Variants in ZNF569 observed in about 807,000 individuals in gnomAD.
ZNF569 encodes the protein DNA-binding protein.
A neutral mutation model predicts 56.3 loss-of-function variants in ZNF569; 38 were observed. The ratio of observed to expected loss-of-function variants is 0.68; its 90% confidence interval spans 0.52 to 0.88. The LOEUF (loss-of-function observed/expected upper bound fraction) is 0.88, where lower values mean the gene tolerates loss of function less well. Ranked by LOEUF, ZNF569 falls within the 40% of genes least tolerant of loss-of-function variation. ZNF569 has a pLI of 0.00. For missense variants in ZNF569, 666 were observed against 809.2 expected (o/e 0.82, Z 2.15); for synonymous variants, 241 against 262.9 (o/e 0.92, Z 0.81).
In ZNF569 at chr19:37,463,939, TTTAAG is replaced by T. The variant is rs549706910; in HGVS notation, c.-44+1369_-44+1373del. ...TTTTATACAGCTGTACAATATGTGT[TTTAAG>T]TTAAGTATTATTATAAAAGAGTAAA... On this transcript the variant is annotated intron_variant, in intron 2 of 5. Coordinates refer to ENST00000316950, the MANE Select transcript of ZNF569 (RefSeq NM_152484.3). Among the ~76,000 whole-genome samples the T allele has an allele frequency of 2.9e-4, 44 of 152,264 alleles. No homozygotes were observed. The South Asian group carries it at 4.4e-3, about 15-fold the overall frequency.
intron 3 of ZNF569, among the ~76,000 whole-genome samples, chr19:37,433,723 A>C (rs2041262171): frequency 6.6e-6 from 1 of 152,146 alleles, no homozygotes; most frequent in South Asian, 2.1e-4. Context: ...CTGAAGGAAA[A>C]AAACTTTTAT....
At chr19:37,438,895 A>T (rs1324580431) in intron 3 of ZNF569, among the ~76,000 whole-genome samples, 2 of 152,154 alleles carry the variant, frequency 1.3e-5, no homozygotes, top group Non-Finnish European at 2.9e-5. Context: ...AGCTCAAATA[A>T]CTGTATATGA....
chr19:37,467,805 C>G (rs148254286), upstream of ZNF569: 157 of 1,396,428 alleles, frequency 1.1e-4, 1 homozygote, highest in East Asian at 3.0e-3. Flanking sequence ...TGAGGTCGTG[C>G]GAATATGCGA....
intron 3 of ZNF569, among the ~76,000 whole-genome samples, chr19:37,441,522 T>C (rs1487351312): frequency 2.0e-5 from 3 of 151,820 alleles, no homozygotes; most frequent in African/African-American, 4.8e-5. Flanking sequence ...TAGCCAGGCA[T>C]GGGGGCACGT....
intron 2 of ZNF569, among the ~76,000 whole-genome samples, chr19:37,452,991 C>A (rs2041619068): frequency 6.6e-6 from 1 of 152,092 alleles, no homozygotes; most frequent in South Asian, 2.1e-4. Context: ...CTTCTTCACT[C>A]TTTTTCATTA....
intron 5 of ZNF569, among the ~76,000 whole-genome samples, chr19:37,421,293 G>A (rs943292412): frequency 6.6e-6 from 1 of 152,118 alleles, no homozygotes; most frequent in Non-Finnish European, 1.5e-5. Context: ...TTGAAACTTT[G>A]AAGCCAGCCA....
chr19:37,428,107 A>G (rs1023144310), intron 3 of ZNF569, among the ~76,000 whole-genome samples: 1 of 152,260 alleles, frequency 6.6e-6, no homozygotes, highest in Non-Finnish European at 1.5e-5. Context: ...AGAAATCATT[A>G]AAATACATTT....
chr19:37,415,865 G>A (rs1250894687), intron 5 of ZNF569, among the ~76,000 whole-genome samples: 1 of 151,012 alleles, frequency 6.6e-6, no homozygotes, highest in African/African-American at 2.4e-5. Context: ...GGGCGACAGA[G>A]TGAGACTCTG....
intron 5 of ZNF569, among the ~76,000 whole-genome samples, chr19:37,420,561 T>C (rs141234552): frequency 6.6e-6 from 1 of 152,326 alleles, no homozygotes; most frequent in East Asian, 1.9e-4. Flanking sequence ...GTAATCCTTA[T>C]CCCTGCAATC....
Position 37,414,433 on chromosome 19 carries a change from C to G in ZNF569, c.239-14G>C. ...CCCATATTTCTCCTAAAACAGATTG[C>G]AAATAAATATCACTTACAAATTTTT... is the stretch of plus-strand genomic sequence containing the variant. On this transcript the variant is annotated splice_polypyrimidine_tract_variant and intron_variant, in intron 5 of 5. Coordinates refer to ENST00000316950, the MANE Select transcript of ZNF569 (RefSeq NM_152484.3). 1 of 1,531,604 alleles carries G rather than the reference C, an allele frequency of 6.5e-7. No individual in the cohort carries two copies. The highest frequency in any genetic ancestry group is 8.7e-7 in the Non-Finnish European group (1 of 1,145,840). 94.9% of individuals were successfully genotyped at this position (1,531,604 alleles called of 1,614,324 possible).
intron 1 of ZNF569, chr19:37,466,869 T>C (rs965000173): frequency 5.3e-5 from 8 of 152,276 alleles, no homozygotes; most frequent in Non-Finnish European, 8.8e-5. Context: ...GGGGCCACAC[T>C]CAGCCAGACG....
chr19:37,447,543 A>G (rs1265135137), intron 2 of ZNF569, among the ~76,000 whole-genome samples: 1 of 152,222 alleles, frequency 6.6e-6, no homozygotes, highest in Non-Finnish European at 1.5e-5. Flanking sequence ...GTCTGCAAAT[A>G]GAAACAGTTA....
At position 37,413,846 on chromosome 19, in the gene ZNF569, G is replaced by A. The variant is rs780367491; in HGVS notation, c.812C>T (p.Ala271Val). 2.5e-6 allele frequency: 4 copies of A among 1,613,286 alleles called. No homozygotes were observed. Among genetic ancestry groups the A allele is most frequent in the Non-Finnish European group, 1.7e-6 (2 of 1,179,896 alleles). ...GAAGGACTTCTCACATTCCTTACAT[G>A]CATAGGGCTTCTCTCCAGTATGAAT... ...QRIHTGEKPY[A>V]CKECEKSFSQ... Residue 271 changes from alanine (A) to valine (V), a missense_variant, in exon 6 of 6, where the codon GCA becomes GTA. Physicochemically the swap from Ala to Val is moderately conservative, Grantham distance 64. Coordinates refer to ENST00000316950, the MANE Select transcript of ZNF569 (RefSeq NM_152484.3).
chr19:37,415,474 C>A (rs776366570), intron 5 of ZNF569, among the ~76,000 whole-genome samples: 2 of 151,988 alleles, frequency 1.3e-5, no homozygotes, highest in Non-Finnish European at 2.9e-5. Context: ...TGGAAAACAT[C>A]CAGAAGCATT....
intron 3 of ZNF569, among the ~76,000 whole-genome samples, chr19:37,428,805 G>A (rs1398340790): frequency 1.3e-5 from 2 of 151,586 alleles, no homozygotes; most frequent in Non-Finnish European, 2.9e-5. Flanking sequence ...CTCCCAAATA[G>A]CTAGAACTAC....
At chr19:37,438,195 G>C (rs1472794001) in intron 3 of ZNF569, among the ~76,000 whole-genome samples, 20 of 152,106 alleles carry the variant, frequency 1.3e-4, no homozygotes. Flanking sequence ...GAGCCTGGGA[G>C]TTTGAGTCCT....
At position 37,412,901 on chromosome 19, in the gene ZNF569, G is replaced by A; in HGVS notation, c.1757C>T (p.Ala586Val). Residue 586 changes from alanine (A) to valine (V), a missense_variant, in exon 6 of 6, where the codon GCC becomes GTC. Coordinates refer to ENST00000316950, the MANE Select transcript of ZNF569 (RefSeq NM_152484.3). Reference protein sequence around the residue: ...KPYVCNECGKAFSQRTSLIVH... With the variant: ...KPYVCNECGKVFSQRTSLIVH... ...AATAAGGGAAGTTCTTTGAGAGAAG[G>A]CTTTCCCACATTCATTACATACATA... is the stretch of plus-strand genomic sequence containing the variant. 1 of 1,614,030 alleles carries A rather than the reference G, an allele frequency of 6.2e-7. No individual in the cohort carries two copies.
intron 2 of ZNF569, among the ~76,000 whole-genome samples, chr19:37,446,992 G>A (rs1202753749): frequency 6.6e-5 from 10 of 152,086 alleles, no homozygotes; most frequent in East Asian, 3.8e-4. Flanking sequence ...GCCAACGAAC[G>A]TATGAAAAAA....
intron 2 of ZNF569, among the ~76,000 whole-genome samples, chr19:37,456,884 C>G (rs2041678472): frequency 6.6e-6 from 1 of 151,492 alleles, no homozygotes; most frequent in African/African-American, 2.4e-5. Context: ...AGGAGAATCG[C>G]TTGAACCCAG....
Sources: gnomAD v4.1 joint callset for allele counts (sites outside exome capture counted in the v4.1 genomes callset) on GRCh38, gnomAD v4.1.1 for gene constraint, MANE v1.5 for transcripts, NCBI Gene and HGNC (gene_info 2026-07-23, HGNC 2026-07-21) for gene names.